MYO7B: variants seen among roughly 807,000 people sequenced by gnomAD.
MYO7B encodes unconventional myosin-VIIb.
Under a neutral mutation model 259.7 loss-of-function variants are expected in MYO7B, and 212 were observed. That is an observed-to-expected ratio of 0.82 (90% CI 0.73 to 0.91). MYO7B has a LOEUF of 0.91. Ranked by LOEUF, MYO7B falls within the 40% of genes least tolerant of loss-of-function variation. The pLI is 0.00. For synonymous variants in MYO7B, 1,197 were observed against 1,166.4 expected (o/e 1.03, Z -0.54); for missense variants, 2,732 against 2,813.5 (o/e 0.97, Z 0.66).
At chr2:127,634,422 CAG>C in intron 41 of MYO7B, 133 bp downstream of exon 41, 1 of 900,466 alleles carries the variant, frequency 1.1e-6, no homozygotes, top group Non-Finnish European at 1.7e-6. Flanking sequence ...GCTGCTGGGA[CAG>C]AGGTAGGTGG....
intron 15 of MYO7B, among the ~76,000 whole-genome samples, chr2:127,589,283 ATGGG>A (rs1679448190): frequency 3.7e-5 from 1 of 26,704 alleles, no homozygotes. Context: ...GGGTGGGTGG[ATGGG>A]TGGGTGGGTG....
Position 127,620,423 on chromosome 2 carries a change from G to GCCTCTGCCTCGGCTGCTTCCCAC in MYO7B, c.3487_3509dup (p.Glu1171AlafsTer12). On this transcript the variant is annotated frameshift_variant, in exon 27 of 48. Coordinates refer to ENST00000409816, the MANE Select transcript of MYO7B (RefSeq NM_001393586.1). LOFTEE classifies it high-confidence loss of function. ...CTGGCCCGGGGCTGGATCCTGCTCAGCCTCTGCCTCGGCTGCTTCCCACCC... is the reference window on the plus strand; with the variant it reads ...CTGGCCCGGGGCTGGATCCTGCTCAGCCTCTGCCTCGGCTGCTTCCCACCCTCTGCCTCGGCTGCTTCCCACCC... The GCCTCTGCCTCGGCTGCTTCCCAC allele has an allele frequency of 6.6e-7, 1 of 1,518,308 alleles. No homozygotes were observed. Among genetic ancestry groups the GCCTCTGCCTCGGCTGCTTCCCAC allele is most frequent in the Non-Finnish European group, 8.9e-7 (1 of 1,120,494 alleles). 94.1% of individuals were successfully genotyped at this position (1,518,308 alleles called of 1,614,324 possible).
intron 2 of MYO7B, among the ~76,000 whole-genome samples, chr2:127,561,270 A>G (rs1229395625): frequency 1.4e-5 from 2 of 144,914 alleles, no homozygotes; most frequent in Non-Finnish European, 3.1e-5. Context: ...GAGGAGAGTA[A>G]TTTTTTTTTT....
intron 26 of MYO7B, among the ~76,000 whole-genome samples, chr2:127,616,733 C>A (rs555578542): frequency 4.6e-5 from 7 of 152,206 alleles, no homozygotes; most frequent in African/African-American, 1.4e-4. Flanking sequence ...CCTCCGGAGA[C>A]CCACCCCTGA....
chr2:127,556,325 G>A (rs553004543), intron 1 of MYO7B, among the ~76,000 whole-genome samples: 1 of 152,158 alleles, frequency 6.6e-6, no homozygotes, highest in Non-Finnish European at 1.5e-5. Context: ...CAGATGCTTG[G>A]TTGGTGAATT....
Position 127,590,163 on chromosome 2 carries a change from A to C in MYO7B, c.1926A>C (p.Lys642Asn). ...AACAGTCTCTGGACCAGCTGATGAA[A>C]ATCCTGACCAACTGCCAGCCTTACT... Reference protein sequence around the residue: ...QFKQSLDQLMKILTNCQPYFI... With the variant: ...QFKQSLDQLMNILTNCQPYFI... Residue 642 changes from lysine to asparagine, a missense_variant, in exon 16 of 48, where the codon AAA becomes AAC. Physicochemically the swap from Lys to Asn is moderately conservative, Grantham distance 94 (BLOSUM62 0). This residue lies in a region of MYO7B where 1,906 missense variants were observed against 2,026.4 expected (regional missense o/e 0.94). Transcript: ENST00000409816. The surrounding 1 kb of genome is among the most constrained non-coding windows in gnomAD (Gnocchi z 4.6). 1.2e-6 allele frequency: 2 copies of C among 1,612,486 alleles called. No homozygotes were observed. Among genetic ancestry groups the C allele is most frequent in the Non-Finnish European group, 1.7e-6 (2 of 1,179,618 alleles).
intron 1 of MYO7B, among the ~76,000 whole-genome samples, chr2:127,551,180 A>G (rs911588336): frequency 6.6e-6 from 1 of 152,232 alleles, no homozygotes; most frequent in Admixed American, 6.5e-5. Flanking sequence ...TCTACCAGGC[A>G]TCTCTCCTTG....
At chr2:127,596,123 C>G (rs756847186) in intron 18 of MYO7B, among the ~76,000 whole-genome samples, 1 of 152,160 alleles carries the variant, frequency 6.6e-6, no homozygotes, top group African/African-American at 2.4e-5. Flanking sequence ...GGCTTTTACA[C>G]GGTTGGATGC....
chr2:127,581,834 A>G, intron 10 of MYO7B, 57 bp from the exon 11 acceptor site: 1 of 1,606,756 alleles, frequency 6.2e-7, no homozygotes, highest in East Asian at 2.2e-5. Flanking sequence ...AGCAGGTCAG[A>G]GTGCTGGGCC....
intron 35 of MYO7B, 47 bp downstream of exon 35, chr2:127,629,873 G>A: frequency 6.6e-7 from 1 of 1,512,474 alleles, no homozygotes; most frequent in Non-Finnish European, 8.9e-7. Context: ...CCGAGGTCAG[G>A]GTGGAGCAGT....
intron 11 of MYO7B, 98 bp from the exon 12 acceptor site, chr2:127,582,206 C>T: frequency 6.0e-6 from 9 of 1,502,002 alleles, no homozygotes; most frequent in South Asian, 1.3e-5. Context: ...ATAACATCCA[C>T]AGTAGGTCCA....
chr2:127,620,017 C>A (rs1450075130), intron 26 of MYO7B: 2 of 198,964 alleles, frequency 1.0e-5, no homozygotes, highest in Admixed American at 6.0e-5. Context: ...GACTGGGGAT[C>A]CCGCACATCT....
At chr2:127,600,428 T>C (rs1258573810) in intron 19 of MYO7B, among the ~76,000 whole-genome samples, 3 of 152,208 alleles carry the variant, frequency 2.0e-5, no homozygotes, top group African/African-American at 7.2e-5. Flanking sequence ...TTTCTTGTCC[T>C]GGCCGGGCAT....
At chr2:127,538,460 A>T (rs1692875970) in intron 1 of MYO7B, among the ~76,000 whole-genome samples, 1 of 152,074 alleles carries the variant, frequency 6.6e-6, no homozygotes, top group Non-Finnish European at 1.5e-5. Context: ...TGGCTACCAT[A>T]TCGGACAGTG....
rs542271023 is a variant in MYO7B, at chr2:127,630,701, C to T, written c.4807-77C>T. ...GACCCCTCCCAAGTCACTGAGGCTG[C>T]CAGGCCGGGAGGAGCCTGCAGGAAG... On this transcript the variant is annotated intron_variant, in intron 35 of 47. Transcript: ENST00000409816. The T allele has an allele frequency of 8.2e-5, 130 of 1,580,872 alleles. 2 individuals carry two copies. In the South Asian group the frequency reaches 1.3e-3, roughly 16 times the overall value.
rs1679392539 is a variant in MYO7B at position 127,588,529 on chromosome 2, G to A, written c.1828G>A (p.Ala610Thr). The A allele has an allele frequency of 6.2e-7, 1 of 1,613,136 alleles. No individual in the cohort carries two copies. Among genetic ancestry groups the A allele is most frequent in the Non-Finnish European group, 8.5e-7 (1 of 1,179,856 alleles). ...TKLGHGTIRQ[A>T]KAGNHLFKSA... ...GCTGGGCCATGGGACCATCCGCCAG[G>A]CAAAGGCAGGAAACCATCTCTTCAA... The change falls in exon 15 of 48, where the codon GCA becomes ACA. Residue 610 changes from alanine to threonine, a missense_variant. Ala to Thr is a moderately conservative substitution (Grantham distance 58, BLOSUM62 0). Around this residue, in one of 3 missense-constraint regions of MYO7B, gnomAD observed 1,906 missense variants for 2,026.4 expected, o/e 0.94. Coordinates refer to ENST00000409816, the MANE Select transcript of MYO7B (RefSeq NM_001393586.1).
chr2:127,628,193 C>T lies in MYO7B; in HGVS notation c.4461-179C>T. 1.3e-6 allele frequency: 1 copy of T among 776,882 alleles called. No individual in the cohort carries two copies. Among genetic ancestry groups the T allele is most frequent in the Non-Finnish European group, 2.2e-6 (1 of 455,656 alleles). 48.1% of individuals were successfully genotyped at this position (776,882 alleles called of 1,614,324 possible). The stretch of plus-strand genomic sequence containing the variant: ...CTCAGCCTCCGAGAGGTCCTGTGCT[C>T]CGCCGTCCTTCATTTGTCCAGACCC... On this transcript the variant is annotated intron_variant, in intron 33 of 47. Transcript: ENST00000409816. This position sits in a 1 kb window ranked among gnomAD's most constrained non-coding sequence, Gnocchi z 4.8.
At chr2:127,601,846 G>A (rs777438) in intron 19 of MYO7B, among the ~76,000 whole-genome samples, 2,255 of 152,122 alleles carry the variant, frequency 0.015, 64 homozygotes, top group African/African-American at 0.051. Context: ...GCAGGTGTTC[G>A]AATATCATTG....
At position 127,633,315 on chromosome 2, in the gene MYO7B, C is replaced by G. The variant is rs200037456; in HGVS notation, c.5463C>G (p.Asn1821Lys). 9 of 1,612,746 alleles carry G rather than the reference C, an allele frequency of 5.6e-6. No individual in the cohort carries two copies. In the South Asian group the frequency reaches 9.9e-5, roughly 18 times the overall value. The change falls in exon 40 of 48, where the codon AAC becomes AAG. Residue 1821 changes from asparagine (N) to lysine (K), a missense_variant. Around this residue, in one of 3 missense-constraint regions of MYO7B, gnomAD observed 821 missense variants for 769.3 expected, o/e 1.07. Coordinates refer to ENST00000409816, the MANE Select transcript of MYO7B (RefSeq NM_001393586.1). ...TGGAGGTGGAGGCCGCAGAGCAGAA[C>G]GTCTCCCGCATCTGCCACAAGATCT... The part of the protein sequence containing the change: ...HQVEVEAAEQ[N>K]VSRICHKIYF...
Sources: gnomAD v4.1 joint callset for allele counts (sites outside exome capture counted in the v4.1 genomes callset) on GRCh38, gnomAD v4.1.1 for gene constraint, gnomAD v4.1.1 regional missense constraint, Gnocchi (gnomAD v3.1) non-coding constraint, MANE v1.5 for transcripts, NCBI Gene and HGNC (gene_info 2026-07-23, HGNC 2026-07-21) for gene names.